ELP3: variants seen among roughly 807,000 people sequenced by gnomAD.
ELP3 encodes the protein elongator acetyltransferase complex subunit 3.
In ELP3, 56 loss-of-function variants were observed where a neutral mutation model predicts 74.9. The ratio of observed to expected loss-of-function variants is 0.75; its 90% CI spans 0.60 to 0.93. The LOEUF (loss-of-function observed/expected upper bound fraction) is 0.93. Among genes scored for constraint, ELP3 ranks in the 40% least tolerant of loss-of-function variants. ELP3 has a pLI of 0.00. For missense variants in ELP3, 573 were observed against 686.5 expected, an observed-to-expected ratio of 0.83 and a Z score of 1.85; for synonymous variants, 222 against 239.8, an observed-to-expected ratio of 0.93 and a Z score of 0.68.
In ELP3 at chr8:28,132,371, C is replaced by T. The variant is rs569153927; in HGVS notation, c.873C>T (p.Asn291=). ...CCCATATGATGCCTGACCTGCCAAA[C>T]GTGGGACTAGAAAGAGACATTGAAC... ...VVAHMMPDLP[N]VGLERDIEQF... is the part of the protein sequence containing the mutation. The change falls in exon 9 of 15, where the codon AAC becomes AAT. Residue 291 remains asparagine, a synonymous_variant. Transcript: ENST00000256398. The T allele has an allele frequency of 9.9e-6, 16 of 1,614,116 alleles. No individual in the cohort carries two copies. Among genetic ancestry groups the T allele is most frequent in the East Asian group, 2.2e-5 (1 of 44,880 alleles).
chr8:28,164,329 T>C (rs970430187), intron 14 of ELP3, among the ~76,000 whole-genome samples: 3 of 152,220 alleles, frequency 2.0e-5, no homozygotes, highest in African/African-American at 4.8e-5. Flanking sequence ...TTTATCATAA[T>C]CTAAATAATA....
intron 14 of ELP3, among the ~76,000 whole-genome samples, chr8:28,170,927 G>A (rs1230036770): frequency 1.3e-5 from 2 of 152,068 alleles, no homozygotes. Flanking sequence ...TCTGTGAAGT[G>A]GAATCATAGA....
chr8:28,135,272 G>A (rs1016583438), intron 9 of ELP3, among the ~76,000 whole-genome samples: 15 of 152,182 alleles, frequency 9.9e-5, no homozygotes, highest in African/African-American at 1.9e-4. Flanking sequence ...TTGAAAAGCC[G>A]GATGGCAAGG....
chr8:28,090,459 A>G, upstream of ELP3: 1 of 290,798 alleles, frequency 3.4e-6, no homozygotes, highest in South Asian at 3.2e-5. Context: ...TCTTGTGATA[A>G]ATCCTCCATA....
At chr8:28,162,145 T>C in intron 14 of ELP3, 67 bp downstream of exon 14, 1 of 1,505,490 alleles carries the variant, frequency 6.6e-7, no homozygotes, top group Non-Finnish European at 9.2e-7. Context: ...GTGAAAACTA[T>C]GTTGGTACCC....
chr8:28,113,332 T>C (rs1449410322), intron 7 of ELP3, among the ~76,000 whole-genome samples, 159 bp downstream of exon 7: 1 of 152,240 alleles, frequency 6.6e-6, no homozygotes, highest in African/African-American at 2.4e-5. Context: ...AATAATGCTT[T>C]CGCTGAAATA....
intron 2 of ELP3, 82 bp from the exon 3 acceptor site, chr8:28,099,746 T>G: frequency 1.4e-6 from 2 of 1,475,154 alleles, no homozygotes; most frequent in Non-Finnish European, 1.9e-6. Context: ...CAGTTGTTAA[T>G]GATGTTGTTT....
rs145386460 is a variant in ELP3 at position 28,162,059 on chromosome 8, G to T, written c.1548G>T (p.Gly516=). Residue 516 remains glycine (G), a synonymous_variant, in exon 14 of 15, where the codon GGG becomes GGT. Transcript: ENST00000256398. ...TAGCTAGAGAAGAACATGGGTCTGG[G>T]AAAATCGCTGTGATATCAGGTAACT... ...ERIAREEHGS[G]KIAVISGVGT... is the part of the protein sequence containing the mutation. The T allele has an allele frequency of 5.0e-6, 8 of 1,614,070 alleles. No homozygotes were observed. Among genetic ancestry groups the T allele is most frequent in the South Asian group, 2.2e-5 (2 of 91,084 alleles).
chr8:28,179,844 G>C (rs757379900), intron 14 of ELP3, among the ~76,000 whole-genome samples: 1 of 152,068 alleles, frequency 6.6e-6, no homozygotes, highest in Non-Finnish European at 1.5e-5. Context: ...ATGGGGAGTG[G>C]CTGTAAATGC....
intron 14 of ELP3, among the ~76,000 whole-genome samples, chr8:28,176,944 C>T (rs1171029811): frequency 6.6e-6 from 1 of 152,218 alleles, no homozygotes; most frequent in African/African-American, 2.4e-5. Context: ...GAAAAAAACT[C>T]TCTAAGAGCT....
intron 8 of ELP3, 108 bp downstream of exon 8, chr8:28,129,771 A>G: frequency 7.9e-7 from 1 of 1,258,466 alleles, no homozygotes; most frequent in Non-Finnish European, 1.1e-6. Flanking sequence ...GGAAAGAAGT[A>G]TGGGTATTCC....
intron 10 of ELP3, among the ~76,000 whole-genome samples, chr8:28,150,679 A>C (rs1246435949): frequency 1.3e-5 from 2 of 152,114 alleles, no homozygotes; most frequent in Non-Finnish European, 2.9e-5. Flanking sequence ...TTTGAAAATG[A>C]AATGCCTACA....
chr8:28,184,578 G>T (rs55737949), intron 14 of ELP3, among the ~76,000 whole-genome samples: 2 of 152,302 alleles, frequency 1.3e-5, no homozygotes, highest in South Asian at 4.1e-4. Flanking sequence ...ACTCTTGATT[G>T]TTGAACTTTC....
intron 10 of ELP3, among the ~76,000 whole-genome samples, chr8:28,139,430 TA>T (rs1813133901): frequency 1.3e-5 from 2 of 152,064 alleles, no homozygotes; most frequent in African/African-American, 4.8e-5. Flanking sequence ...CATGTAGAAA[TA>T]AGTGTAAATG....
chr8:28,178,094 T>C (rs1294935792), intron 14 of ELP3, among the ~76,000 whole-genome samples: 1 of 152,230 alleles, frequency 6.6e-6, no homozygotes, highest in Non-Finnish European at 1.5e-5. Flanking sequence ...GCAGAGTTTA[T>C]AAAATGTTAA....
At chr8:28,090,238 T>C, upstream of ELP3, 1 of 272,518 alleles carries the variant, frequency 3.7e-6, no homozygotes, top group Non-Finnish European at 7.1e-6. Flanking sequence ...AGCCGAAGCT[T>C]CAGGAGACCT....
At chr8:28,169,759 T>C (rs1395163207) in intron 14 of ELP3, among the ~76,000 whole-genome samples, 2 of 152,182 alleles carry the variant, frequency 1.3e-5, no homozygotes, top group African/African-American at 4.8e-5. Flanking sequence ...AACAAGGCTG[T>C]AGTCAAGGTG....
intron 3 of ELP3, among the ~76,000 whole-genome samples, chr8:28,106,020 A>G (rs932574696): frequency 6.6e-6 from 1 of 152,274 alleles, no homozygotes; most frequent in Non-Finnish European, 1.5e-5. Flanking sequence ...AGGTTTATAT[A>G]TAATTTCATA....
intron 9 of ELP3, among the ~76,000 whole-genome samples, chr8:28,135,993 G>A (rs375761791): frequency 1.0e-4 from 14 of 139,928 alleles, no homozygotes; most frequent in African/African-American, 3.2e-4. Context: ...ATGGAGTCTC[G>A]CTCTGTCACC....
Sources: allele counts gnomAD v4.1 joint callset (sites outside exome capture counted in the v4.1 genomes callset), GRCh38; gene constraint gnomAD v4.1.1; transcripts MANE v1.5; gene names NCBI Gene and HGNC (gene_info 2026-07-23, HGNC 2026-07-21).